The following MPP4 variants were observed in gnomAD, a reference collection of about 807,000 sequenced individuals.
MPP4 encodes MAGUK p55 subfamily member 4.
In MPP4, 91 loss-of-function variants were observed where a neutral mutation model predicts 98.3. The observed-to-expected ratio is 0.93, with a 90% CI of 0.78 to 1.10. The LOEUF (loss-of-function observed/expected upper bound fraction) is 1.10. MPP4 is among the 50% of genes least tolerant of loss of function. The pLI is 0.00. For missense variants in MPP4, 744 were observed against 792.9 expected (o/e 0.94, Z 0.74); for synonymous variants, 261 against 271.8 (o/e 0.96, Z 0.39).
Position 201,656,325 on chromosome 2 carries a change from G to C in MPP4, c.1173C>G (p.His391Gln). The C allele has an allele frequency of 6.4e-7, 1 of 1,558,842 alleles. No homozygotes were observed. The highest frequency in any genetic ancestry group is 8.7e-7 in the Non-Finnish European group (1 of 1,150,886). The change falls in exon 17 of 22, where the codon CAC (histidine) becomes CAG (glutamine). Residue 391 changes from histidine (H) to glutamine (Q), a missense_variant. Physicochemically the swap from His to Gln is conservative, Grantham distance 24. Coordinates refer to ENST00000409474, the MANE Select transcript of MPP4 (RefSeq NM_033066.3). Reference sequence around the variant, plus strand: ...ACACACTGGCATGCAGCGGGCTGAGGTGAGACTTCCTGCGACAAAGGCGCA... The same window carrying C: ...ACACACTGGCATGCAGCGGGCTGAGCTGAGACTTCCTGCGACAAAGGCGCA... Reference protein sequence around the residue: ...RSMRLCRRKSHLSPLHASVCC... With the variant: ...RSMRLCRRKSQLSPLHASVCC...
intron 14 of MPP4, chr2:201,661,684 A>G (rs2105921046): frequency 4.5e-6 from 2 of 447,480 alleles, no homozygotes; most frequent in Non-Finnish European, 4.5e-6. Context: ...CACTTTATTC[A>G]TATAAATTAT....
intron 1 of MPP4, among the ~76,000 whole-genome samples, chr2:201,695,824 C>G (rs1218386469): frequency 6.6e-6 from 1 of 152,118 alleles, no homozygotes. Flanking sequence ...GGAGTGGGCT[C>G]AGAGTGCACC....
rs1687662225 is a variant in MPP4, at chr2:201,649,670, C to T, written c.1490G>A (p.Gly497Asp). Reference sequence around the variant, plus strand: ...GCCATACAGGTGGCCTTTGTACTCACCATACTCCAGCATCCTGCAAGAGCA... The same window carrying T: ...GCCATACAGGTGGCCTTTGTACTCATCATACTCCAGCATCCTGCAAGAGCA... ...LIYSHRMLEY[G>D]EYKGHLYGTS... The change falls in exon 20 of 22, where the codon GGT becomes GAT. Residue 497 changes from glycine to aspartate, a missense_variant. Transcript: ENST00000409474. The T allele has an allele frequency of 6.2e-7, 1 of 1,609,618 alleles. No homozygotes were observed. Among genetic ancestry groups the T allele is most frequent in the African/African-American group, 1.3e-5 (1 of 75,012 alleles).
chr2:201,692,771 C>A, intron 3 of MPP4, 137 bp downstream of exon 3: 1 of 1,321,080 alleles, frequency 7.6e-7, no homozygotes, highest in Non-Finnish European at 1.0e-6. Context: ...TCCTGGCCTA[C>A]AGAACTGTGA....
At chr2:201,664,136 T>C in intron 13 of MPP4, 35 bp from the exon 14 acceptor site, 1 of 1,530,338 alleles carries the variant, frequency 6.5e-7, no homozygotes. Context: ...ATCAAAAATG[T>C]TATTACATGA....
intron 18 of MPP4, chr2:201,651,031 CAA>C: frequency 1.0e-6 from 1 of 985,242 alleles, no homozygotes; most frequent in Non-Finnish European, 1.2e-6. Context: ...TCTGAAAACA[CAA>C]AGATGAGTAA....
At chr2:201,654,285 C>T (rs116491320) in intron 18 of MPP4, among the ~76,000 whole-genome samples, 2,311 of 152,152 alleles carry the variant, frequency 0.015, 80 homozygotes, top group African/African-American at 0.053. Context: ...CAGAAAACAC[C>T]ATTTTTTAAA....
At chr2:201,654,750 A>G (rs1379418465) in intron 18 of MPP4, 87 bp downstream of exon 18, 2 of 877,328 alleles carry the variant, frequency 2.3e-6, no homozygotes, top group Non-Finnish European at 3.4e-6. Flanking sequence ...TACTTTTACA[A>G]CAAAGATGGA....
chr2:201,657,106 G>A (rs1401449241), intron 16 of MPP4, among the ~76,000 whole-genome samples: 1 of 152,184 alleles, frequency 6.6e-6, no homozygotes. Context: ...ACCGTAGGGA[G>A]AGCAAGTGTG....
At chr2:201,693,714 G>A (rs1488664733) in intron 2 of MPP4, among the ~76,000 whole-genome samples, 162 bp downstream of exon 2, 2 of 152,168 alleles carry the variant, frequency 1.3e-5, no homozygotes, top group African/African-American at 2.4e-5. Flanking sequence ...CTTGAAATTT[G>A]TTCTTAAAGT....
intron 18 of MPP4, among the ~76,000 whole-genome samples, chr2:201,653,319 A>T (rs543466108): frequency 6.6e-6 from 1 of 152,220 alleles, no homozygotes; most frequent in African/African-American, 2.4e-5. Flanking sequence ...ACACATAGGA[A>T]GCTCTCCAAG....
At chr2:201,696,251 G>C (rs1237149517) in intron 1 of MPP4, among the ~76,000 whole-genome samples, 2 of 152,112 alleles carry the variant, frequency 1.3e-5, no homozygotes, top group Non-Finnish European at 2.9e-5. Context: ...ACTTGTAATT[G>C]AGTCAGATTA....
intron 11 of MPP4, among the ~76,000 whole-genome samples, chr2:201,674,456 T>A (rs1326764544): frequency 6.6e-6 from 1 of 152,080 alleles, no homozygotes; most frequent in Non-Finnish European, 1.5e-5. Flanking sequence ...AAGCCAGCCC[T>A]GGAGGGAGGA....
intron 1 of MPP4, 94 bp from the exon 2 acceptor site, chr2:201,694,148 G>A: frequency 8.1e-7 from 1 of 1,240,598 alleles, no homozygotes; most frequent in African/African-American, 1.5e-5. Flanking sequence ...TTCCCCTGTG[G>A]TGCCTACTCT....
In MPP4 at chr2:201,664,861, A is replaced by G. The variant is rs375732334; in HGVS notation, c.1052-760T>C. On this transcript the variant is annotated intron_variant, in intron 13 of 21. Coordinates refer to ENST00000409474, the MANE Select transcript of MPP4 (RefSeq NM_033066.3). Reference sequence around the variant, plus strand: ...TACAAATAAATGATTGTATAAGTATACAATAACCAATAAGCTGTTAAAAAA... The same window carrying G: ...TACAAATAAATGATTGTATAAGTATGCAATAACCAATAAGCTGTTAAAAAA... 9.1e-4 allele frequency among the ~76,000 whole-genome samples: 138 copies of G among 152,304 alleles called. 1 individual carries two copies. The highest frequency in any genetic ancestry group is 3.2e-3 in the African/African-American group (133 of 41,566).
At chr2:201,657,566 C>T (rs1687882396) in intron 16 of MPP4, among the ~76,000 whole-genome samples, 1 of 143,984 alleles carries the variant, frequency 6.9e-6, no homozygotes, top group Non-Finnish European at 1.5e-5. Context: ...ACTCCCTTCT[C>T]TAACAGTGAG....
chr2:201,683,380 T>C (rs1688718237), intron 7 of MPP4, among the ~76,000 whole-genome samples: 1 of 152,164 alleles, frequency 6.6e-6, no homozygotes, highest in African/African-American at 2.4e-5. Flanking sequence ...AATGGTGTTA[T>C]AGAACAGAAA....
At chr2:201,681,114 G>T in intron 9 of MPP4, 80 bp from the exon 10 acceptor site, 1 of 1,411,992 alleles carries the variant, frequency 7.1e-7, no homozygotes, top group South Asian at 1.3e-5. Context: ...GGGCCATCAT[G>T]ACTTAAAACC....
At chr2:201,686,972 G>A (rs12621886) in intron 5 of MPP4, among the ~76,000 whole-genome samples, 42,838 of 152,072 alleles carry the variant, frequency 0.28, 6,122 homozygotes, top group East Asian at 0.41. Flanking sequence ...GAAGCATGGA[G>A]GTATTCCTCT....
Sources: gnomAD v4.1 joint callset for allele counts (sites outside exome capture counted in the v4.1 genomes callset) on GRCh38, gnomAD v4.1.1 for gene constraint, MANE v1.5 for transcripts, NCBI Gene and HGNC (gene_info 2026-07-23, HGNC 2026-07-21) for gene names.